GON4L: variants seen among roughly 807,000 people sequenced by gnomAD.
GON4L encodes gon-4 like.
GON4L carries 87 observed loss-of-function variants against 211.8 expected under a neutral mutation model. The ratio of observed to expected loss-of-function variants is 0.41; its 90% CI spans 0.35 to 0.49. The LOEUF is 0.49. Among genes scored for constraint, GON4L ranks in the 20% least tolerant of loss-of-function variants. The probability of loss-of-function intolerance (pLI) is 0.15; values close to 1 mark genes in which losing one functional copy is unlikely to be tolerated. For synonymous variants in GON4L, 875 were observed against 962.6 expected, an observed-to-expected ratio of 0.91 and a Z score of 1.68; for missense variants, 2,155 against 2,659.5, an observed-to-expected ratio of 0.81 and a Z score of 4.17.
intron 11 of GON4L, among the ~76,000 whole-genome samples, chr1:155,797,451 G>A (rs959544507): frequency 6.6e-6 from 1 of 150,674 alleles, no homozygotes; most frequent in Admixed American, 6.6e-5. Context: ...CATAATAAAT[G>A]AGCATCTTTT....
At chr1:155,845,141 A>T (rs981720849) in intron 2 of GON4L, among the ~76,000 whole-genome samples, 1 of 152,200 alleles carries the variant, frequency 6.6e-6, no homozygotes, top group African/African-American at 2.4e-5. Context: ...GAGAAGCAGG[A>T]TTTGTTTTCC....
At chr1:155,804,875 T>TA in intron 11 of GON4L, 74 bp downstream of exon 11, 1 of 988,842 alleles carries the variant, frequency 1.0e-6, no homozygotes, top group South Asian at 1.3e-5. Flanking sequence ...TTCCATTCTA[T>TA]ACCCTTCCAA....
At chr1:155,790,884 C>T (rs1176177348) in intron 12 of GON4L, among the ~76,000 whole-genome samples, 1 of 151,288 alleles carries the variant, frequency 6.6e-6, no homozygotes, top group Non-Finnish European at 1.5e-5. Flanking sequence ...TCGGAGGTTG[C>T]AGTGAGCTGA....
chr1:155,816,791 A>AAC (rs1029292452), intron 6 of GON4L, among the ~76,000 whole-genome samples: 6 of 150,668 alleles, frequency 4.0e-5, no homozygotes, highest in Non-Finnish European at 7.4e-5. Flanking sequence ...AAAAAAAAAA[A>AAC]AAAAGCTTTT....
chr1:155,758,464 T>C (rs1661418622), intron 24 of GON4L, among the ~76,000 whole-genome samples: 1 of 152,176 alleles, frequency 6.6e-6, no homozygotes, highest in Non-Finnish European at 1.5e-5. Flanking sequence ...ACTGAGACTA[T>C]GTCTCTACAA....
intron 2 of GON4L, among the ~76,000 whole-genome samples, chr1:155,842,395 G>C (rs1276743314): frequency 6.6e-6 from 1 of 151,608 alleles, no homozygotes; most frequent in Admixed American, 6.6e-5. Flanking sequence ...ATGGTGGCAG[G>C]CACCTGTAGT....
rs1403453077 is a variant in GON4L at position 155,760,627 on chromosome 1, T to C, written c.4926A>G (p.Leu1642=). 2.5e-6 allele frequency: 4 copies of C among 1,612,100 alleles called. No individual in the cohort carries two copies. The highest frequency in any genetic ancestry group is 3.4e-6 in the Non-Finnish European group (4 of 1,178,302). ...CTTCATACTTGCCAGGGATATGTTG[T>C]AGGGCTTCTCGCACCTACACGGGAA... The part of the protein sequence containing the change: ...QAYLTRVREA[L]QHIPGKYEDF... The change falls in exon 24 of 32, where the codon CTA becomes CTG. Residue 1642 remains leucine (L), a synonymous_variant. Transcript: ENST00000368331.
chr1:155,831,925 C>T (rs1381804117), intron 2 of GON4L, among the ~76,000 whole-genome samples: 1 of 151,958 alleles, frequency 6.6e-6, no homozygotes, highest in Non-Finnish European at 1.5e-5. Flanking sequence ...ACACTAATAC[C>T]TGCAGTCAAG....
Position 155,849,337 on chromosome 1 carries a change from G to A in GON4L, c.505+3939C>T, listed in dbSNP as rs1471270913. Among the ~76,000 whole-genome samples the A allele has an allele frequency of 3.3e-5, 5 of 151,916 alleles. No individual in the cohort carries two copies. In the East Asian group the frequency reaches 9.7e-4, roughly 29 times the overall value. On this transcript the variant is annotated intron_variant, in intron 2 of 31. Transcript: ENST00000368331. ...AGGCAGGCAGATCACGACGTTAGGAGATCGAGACCATCCTGACTAACATGG... is the reference window on the plus strand; with the variant it reads ...AGGCAGGCAGATCACGACGTTAGGAAATCGAGACCATCCTGACTAACATGG...
Position 155,822,300 on chromosome 1 carries a change from G to A in GON4L, c.874C>T (p.Arg292Ter), listed in dbSNP as rs1162664739. Residue 292 changes from arginine (R) to a stop codon, truncating the protein, a stop_gained, in exon 4 of 32, where the codon CGA (arginine) becomes TGA (stop). Coordinates refer to ENST00000368331, the MANE Select transcript of GON4L (RefSeq NM_001282860.2). LOFTEE classifies it high-confidence loss of function. ...GTCTTACTCACATGAAGGATGTTTC[G>A]GACATTGACTGCTGTTAGATTGTGC... is the stretch of plus-strand genomic sequence containing the variant. ...KQHNLTAVNV[R>*]NILHEVITNE... The A allele has an allele frequency of 1.2e-6, 2 of 1,613,364 alleles. No individual in the cohort carries two copies. The highest frequency in any genetic ancestry group is 1.1e-5 in the South Asian group (1 of 91,058).
rs1557824623 is a variant in GON4L at position 155,757,340 on chromosome 1, A to C, written c.5254-17T>G. The C allele has an allele frequency of 9.9e-6, 16 of 1,611,834 alleles. No homozygotes were observed. Among genetic ancestry groups the C allele is most frequent in the African/African-American group, 1.3e-5 (1 of 74,958 alleles). ...TGTCTTGAGCTGAGGAGAGTCACAG[A>C]GGGAAAGAGGAAGTCTCCAGAGCCT... is the stretch of plus-strand genomic sequence containing the variant. On this transcript the variant is annotated splice_polypyrimidine_tract_variant and intron_variant, in intron 25 of 31. Transcript: ENST00000368331.
At chr1:155,784,214 C>A in intron 13 of GON4L, 125 bp from the exon 14 acceptor site, 15 of 1,319,060 alleles carry the variant, frequency 1.1e-5, no homozygotes, top group African/African-American at 1.5e-5. Context: ...CCAGAAAGAG[C>A]CAATGTCAGA....
chr1:155,791,429 A>G (rs974867889), intron 12 of GON4L, among the ~76,000 whole-genome samples: 2 of 151,938 alleles, frequency 1.3e-5, no homozygotes, highest in African/African-American at 4.8e-5. Context: ...CTGGACACCA[A>G]GGCTTTGGAG....
chr1:155,856,659 T>C (rs1158822980), intron 1 of GON4L, among the ~76,000 whole-genome samples: 1 of 148,460 alleles, frequency 6.7e-6, no homozygotes, highest in African/African-American at 2.6e-5. Flanking sequence ...AAGATTTCGT[T>C]GATTCCTGTG....
Position 155,753,256 on chromosome 1 carries a change from G to T in GON4L, c.5790C>A (p.Ala1930=). The T allele has an allele frequency of 1.9e-6, 3 of 1,609,044 alleles. No individual in the cohort carries two copies. The highest frequency in any genetic ancestry group is 2.5e-6 in the Non-Finnish European group (3 of 1,177,932). Reference sequence around the variant, plus strand: ...TGGTCCTGACAGTCCTGCTCTGGGTGGCCTCAGTGCTCTCCCGCTCCTCTG... The same window carrying T: ...TGGTCCTGACAGTCCTGCTCTGGGTTGCCTCAGTGCTCTCCCGCTCCTCTG... The part of the protein sequence containing the change: ...EAPEERESTE[A]TQSRTVRTTR... The change falls in exon 29 of 32, where the codon GCC becomes GCA. Residue 1930 remains alanine (A), a synonymous_variant. Transcript: ENST00000368331.
chr1:155,747,979 G>A (rs534343069), downstream of GON4L: 3 of 1,585,278 alleles, frequency 1.9e-6, no homozygotes, highest in South Asian at 3.4e-5. Flanking sequence ...TTTACGAGGA[G>A]GCCCAGAGAA....
rs779813087 is a variant in GON4L at position 155,853,745 on chromosome 1, T to C, written c.36A>G (p.Thr12=). 6.2e-7 allele frequency: 1 copy of C among 1,613,068 alleles called. No homozygotes were observed. Among genetic ancestry groups the C allele is most frequent in the South Asian group, 1.1e-5 (1 of 91,040 alleles). ...GATTGCCTTTATGCTGTAGGGACTCTGTCACTGTAGTTCTTCTCTTCTTAC... is the reference window on the plus strand; with the variant it reads ...GATTGCCTTTATGCTGTAGGGACTCCGTCACTGTAGTTCTTCTCTTCTTAC... ...LPCKKRRTTV[T]ESLQHKGNQE... The change falls in exon 2 of 32, where the codon ACA becomes ACG. Residue 12 remains threonine, a synonymous_variant. Coordinates refer to ENST00000368331, the MANE Select transcript of GON4L (RefSeq NM_001282860.2).
intron 12 of GON4L, among the ~76,000 whole-genome samples, chr1:155,790,407 T>C (rs557065500): frequency 4.6e-5 from 7 of 151,618 alleles, no homozygotes; most frequent in African/African-American, 1.5e-4. Context: ...TGCACCCAGA[T>C]AATTTTAAAG....
chr1:155,798,009 A>C (rs1357749636), intron 11 of GON4L, among the ~76,000 whole-genome samples: 1 of 151,612 alleles, frequency 6.6e-6, no homozygotes, highest in African/African-American at 2.4e-5. Context: ...TGAGCCCAGG[A>C]GTTTGAGGCT....
Sources: gnomAD v4.1 joint callset for allele counts (sites outside exome capture counted in the v4.1 genomes callset) on GRCh38, gnomAD v4.1.1 for gene constraint, MANE v1.5 for transcripts, NCBI Gene and HGNC (gene_info 2026-07-23, HGNC 2026-07-21) for gene names.